Variants in SDS observed in about 807,000 individuals in gnomAD.
The protein encoded by SDS is serine dehydratase.
A neutral mutation model predicts 29.3 loss-of-function variants in SDS; 19 were observed. The observed-to-expected ratio is 0.65, with a 90% CI of 0.45 to 0.95. The LOEUF (loss-of-function observed/expected upper bound fraction) is 0.95. Among genes scored for constraint, SDS ranks in the 40% least tolerant of loss-of-function variants. SDS has a pLI of 0.00. For missense variants in SDS, 375 were observed against 439.9 expected, an observed-to-expected ratio of 0.85 and a Z score of 1.32; for synonymous variants, 176 against 189.0, an observed-to-expected ratio of 0.93 and a Z score of 0.56.
chr12:113,400,126 T>C (rs907941984), intron 1 of SDS, among the ~76,000 whole-genome samples: 3 of 152,134 alleles, frequency 2.0e-5, no homozygotes, highest in Non-Finnish European at 4.4e-5. Flanking sequence ...ACCCCGTCTC[T>C]ACTAAAAATA....
intron 1 of SDS, among the ~76,000 whole-genome samples, chr12:113,400,307 A>G (rs908035788): frequency 2.6e-5 from 4 of 151,582 alleles, no homozygotes; most frequent in South Asian, 2.1e-4. Context: ...AAAAAAAAAA[A>G]AGAAGAAGAA....
rs541487327 is a variant in SDS at position 113,392,864 on chromosome 12, C to T, written c.*77G>A. 1,309 of 1,377,814 alleles carry T rather than the reference C, an allele frequency of 9.5e-4. No individual in the cohort carries two copies. Among genetic ancestry groups the T allele is most frequent in the Non-Finnish European group, 1.2e-3 (1,187 of 981,206 alleles). The allele number at this position is 1,377,814 out of a possible 1,614,324, so 85.3% of individuals were successfully genotyped here. A position where few individuals can be genotyped will look rare whatever the true frequency, so the allele number is the denominator to read the frequency against. ...CACAGGTGCTCAGCCAAACATACGA[C>T]GAGGCGCTGGATAAAACTCCAGCCC... On this transcript the variant is annotated 3_prime_UTR_variant, in exon 8 of 8. Coordinates refer to ENST00000257549, the MANE Select transcript of SDS (RefSeq NM_006843.3).
At chr12:113,394,560 G>A (rs1321661141) in intron 6 of SDS, among the ~76,000 whole-genome samples, 1 of 152,034 alleles carries the variant, frequency 6.6e-6, no homozygotes, top group Admixed American at 6.6e-5. Context: ...GGCTGGCCTC[G>A]AATTCCTGAC....
At position 113,401,334 on chromosome 12, in the gene SDS, A is replaced by G. The variant is rs1278957776; in HGVS notation, c.-2-1624T>C. ...CTCTTTCATAATTATTAATTTTGTC[A>G]TAATTATTATAGCAGTGACTAATCA... On this transcript the variant is annotated intron_variant, in intron 1 of 7. Coordinates refer to ENST00000257549, the MANE Select transcript of SDS (RefSeq NM_006843.3). Among the ~76,000 whole-genome samples, 6 of 152,340 alleles carry G rather than the reference A, an allele frequency of 3.9e-5. No individual in the cohort carries two copies. The South Asian group carries it at 8.3e-4, about 21-fold the overall frequency.
intron 1 of SDS, among the ~76,000 whole-genome samples, chr12:113,400,924 C>T (rs1957681095): frequency 6.6e-6 from 1 of 152,058 alleles, no homozygotes; most frequent in South Asian, 2.1e-4. Context: ...GAGGCCGAAG[C>T]GGGCGGATCA....
At chr12:113,394,616 A>C (rs535679548) in intron 6 of SDS, among the ~76,000 whole-genome samples, 1 of 152,224 alleles carries the variant, frequency 6.6e-6, no homozygotes, top group East Asian at 1.9e-4. Context: ...CTGGGATTAC[A>C]GGCATGAGCC....
chr12:113,403,531 A>G (rs1162474304), intron 1 of SDS, among the ~76,000 whole-genome samples: 1 of 151,944 alleles, frequency 6.6e-6, no homozygotes, highest in Admixed American at 6.6e-5. Context: ...TCTTAAAAAA[A>G]AAAAATTTTT....
At chr12:113,398,135 A>G (rs913311014) in intron 5 of SDS, among the ~76,000 whole-genome samples, 3 of 142,414 alleles carry the variant, frequency 2.1e-5, no homozygotes, top group African/African-American at 8.0e-5. Flanking sequence ...CAGTGGCGTG[A>G]TCATGGCTCA....
chr12:113,395,785 T>TTGG (rs1423996298), intron 6 of SDS, among the ~76,000 whole-genome samples: 1 of 152,196 alleles, frequency 6.6e-6, no homozygotes, highest in Non-Finnish European at 1.5e-5. Context: ...TTGGGCCTTC[T>TTGG]GTGTAATGGG....
intron 5 of SDS, among the ~76,000 whole-genome samples, chr12:113,397,875 A>T (rs555563898): frequency 3.9e-5 from 6 of 152,118 alleles, no homozygotes; most frequent in African/African-American, 1.2e-4. Flanking sequence ...TCACCTCCCA[A>T]ATAAACTCCT....
Position 113,398,748 on chromosome 12 carries a change from G to C in SDS, c.292C>G (p.Arg98Gly), listed in dbSNP as rs375713569. The C allele has an allele frequency of 7.6e-5, 122 of 1,614,072 alleles. 1 individual carries two copies. Among genetic ancestry groups the C allele is most frequent in the Non-Finnish European group, 1.0e-4 (118 of 1,180,050 alleles). The stretch of plus-strand genomic sequence containing the variant: ...ACTGTGGCACCTTCATTCTTGAGGC[G>C]CTCAATGGTGAGAGCAGGTGTGGTG... ...PSTTPALTIE[R>G]LKNEGATVKV... Residue 98 changes from arginine to glycine, a missense_variant, in exon 4 of 8, where the codon CGC (arginine) becomes GGC (glycine). Physicochemically the swap from Arg to Gly is moderately radical, Grantham distance 125 (BLOSUM62 -2). Transcript: ENST00000257549.
chr12:113,398,610 C>G lies in SDS; in HGVS notation c.334-4G>C. 1 of 1,595,266 alleles carries G rather than the reference C, an allele frequency of 6.3e-7. No homozygotes were observed. Among genetic ancestry groups the G allele is most frequent in the Non-Finnish European group, 8.6e-7 (1 of 1,168,736 alleles). On this transcript the variant is annotated splice_polypyrimidine_tract_variant and splice_region_variant and intron_variant, in intron 4 of 7. Coordinates refer to ENST00000257549, the MANE Select transcript of SDS (RefSeq NM_006843.3). ...GCTCGAAGGCTTCATCCAATAACTG[C>G]AAAGCCACAGGGGAGATAGGAGGGG...
rs758538244 is a variant in SDS at position 113,399,611 on chromosome 12, C to T, written c.98G>A (p.Ser33Asn). The T allele has an allele frequency of 1.2e-6, 2 of 1,603,566 alleles. No homozygotes were observed. The highest frequency in any genetic ancestry group is 1.7e-6 in the Non-Finnish European group (2 of 1,176,562). Residue 33 changes from serine to asparagine, a missense_variant, in exon 2 of 8, where the codon AGT becomes AAT. Physicochemically the swap from Ser to Asn is conservative, Grantham distance 46. Coordinates refer to ENST00000257549, the MANE Select transcript of SDS (RefSeq NM_006843.3). Reference protein sequence around the residue: ...AGTSVYLKMDSAQPSGSFKIR... With the variant: ...AGTSVYLKMDNAQPSGSFKIR... ...CTTGAAGGAGCCGGAGGGCTGGGCA[C>T]TGTCCATCTTGAGGTAGACGCTGGT...
rs550539696 is a variant in SDS at position 113,398,488 on chromosome 12, C to T, written c.425+27G>A. The T allele has an allele frequency of 4.7e-6, 7 of 1,490,272 alleles. No individual in the cohort carries two copies. In the East Asian group the frequency reaches 1.6e-4, roughly 34 times the overall value. 92.3% of individuals were successfully genotyped at this position (1,490,272 alleles called of 1,614,324 possible). ...GATATAGGGCAGTGGCTGCCACCCCCACCAAGTGACCTTGAACTCCACATA... is the reference window on the plus strand; with the variant it reads ...GATATAGGGCAGTGGCTGCCACCCCTACCAAGTGACCTTGAACTCCACATA... On this transcript the variant is annotated intron_variant, in intron 5 of 7. Transcript: ENST00000257549.
chr12:113,396,956 C>G, intron 6 of SDS: 2 of 592,336 alleles, frequency 3.4e-6, no homozygotes, highest in Non-Finnish European at 6.0e-6. Flanking sequence ...AGGCTTTTCA[C>G]GTGAGGAAGT....
chr12:113,396,009 G>C (rs1161366070), intron 6 of SDS, among the ~76,000 whole-genome samples: 1 of 152,206 alleles, frequency 6.6e-6, no homozygotes, highest in Non-Finnish European at 1.5e-5. Flanking sequence ...TGAGGCAGGA[G>C]AATCGCTTGA....
At chr12:113,397,114 G>A (rs772406280) in intron 6 of SDS, 51 bp downstream of exon 6, 4 of 1,497,986 alleles carry the variant, frequency 2.7e-6, no homozygotes, top group Non-Finnish European at 3.7e-6. Context: ...GCCCTAAGGG[G>A]GACTCCCCAG....
Position 113,397,400 on chromosome 12 carries a change from G to C in SDS, c.426-8C>G. 6.3e-7 allele frequency: 1 copy of C among 1,595,992 alleles called. No homozygotes were observed. The highest frequency in any genetic ancestry group is 8.6e-7 in the Non-Finnish European group (1 of 1,167,322). ...ATGGAAGCGTGGCCTTCCCTGGAGG[G>C]TGGGGAGAGGGGGTGGCAGGTCAGG... On this transcript the variant is annotated splice_region_variant and splice_polypyrimidine_tract_variant and intron_variant, in intron 5 of 7. Transcript: ENST00000257549.
chr12:113,395,895 T>C (rs1208462323), intron 6 of SDS, among the ~76,000 whole-genome samples: 1 of 152,166 alleles, frequency 6.6e-6, no homozygotes, highest in Non-Finnish European at 1.5e-5. Flanking sequence ...GCAGATCACC[T>C]GAGGTGAGGA....
Sources: allele counts gnomAD v4.1 joint callset (sites outside exome capture counted in the v4.1 genomes callset), GRCh38; gene constraint gnomAD v4.1.1; transcripts MANE v1.5; gene names NCBI Gene and HGNC (gene_info 2026-07-23, HGNC 2026-07-21).